CNTN4: variants seen among roughly 807,000 people sequenced by gnomAD.
CNTN4 encodes contactin 4.
In CNTN4, 77 loss-of-function variants were observed where a neutral mutation model predicts 122.5. That is an observed-to-expected ratio of 0.63 (90% CI 0.52 to 0.76). The LOEUF is 0.76. Among genes scored for constraint, CNTN4 ranks in the 30% least tolerant of loss-of-function variants. The probability of loss-of-function intolerance (pLI) is 0.00; values close to 1 mark genes in which losing one functional copy is unlikely to be tolerated. For synonymous variants in CNTN4, 512 were observed against 447.0 expected (o/e 1.15, Z -1.83); for missense variants, 1,256 against 1,259.1 (o/e 1.00, Z 0.04).
At chr3:2,669,461 A>C (rs951995811) in intron 4 of CNTN4, among the ~76,000 whole-genome samples, 2 of 151,774 alleles carry the variant, frequency 1.3e-5, no homozygotes, top group Non-Finnish European at 2.9e-5. Context: ...TTTTTATTGC[A>C]TCTATTTGAT....
chr3:2,267,159 C>T (rs942527083), intron 2 of CNTN4, among the ~76,000 whole-genome samples: 6 of 152,132 alleles, frequency 3.9e-5, no homozygotes, highest in African/African-American at 7.2e-5. Context: ...TGCCAACTTA[C>T]GATTGTGGTG....
intron 6 of CNTN4, among the ~76,000 whole-genome samples, chr3:2,747,555 A>C (rs1037385347): frequency 1.3e-5 from 2 of 152,198 alleles, no homozygotes; most frequent in Non-Finnish European, 2.9e-5. Flanking sequence ...AACATCAGAA[A>C]GATAGAATCT....
chr3:2,207,771 A>C (rs1167843079), intron 2 of CNTN4, among the ~76,000 whole-genome samples: 1 of 151,978 alleles, frequency 6.6e-6, no homozygotes, highest in African/African-American at 2.4e-5. Context: ...TAGATGAAGC[A>C]TCCTTCTATT....
intron 3 of CNTN4, among the ~76,000 whole-genome samples, chr3:2,399,329 G>C (rs1397829246): frequency 6.6e-6 from 1 of 151,980 alleles, no homozygotes; most frequent in Admixed American, 6.6e-5. Context: ...GCCCCTGTAA[G>C]TTTGAGCCAT....
At chr3:2,915,798 C>T (rs2094347375) in intron 12 of CNTN4, among the ~76,000 whole-genome samples, 1 of 152,162 alleles carries the variant, frequency 6.6e-6, no homozygotes, top group African/African-American at 2.4e-5. Flanking sequence ...TGGAAGCAAC[C>T]TAAATGTCCA....
chr3:2,622,016 C>T (rs2082009163), intron 4 of CNTN4, among the ~76,000 whole-genome samples: 1 of 152,194 alleles, frequency 6.6e-6, no homozygotes, highest in Non-Finnish European at 1.5e-5. Context: ...AGGAAATTCA[C>T]ATTAAGGGAT....
chr3:2,594,776 G>GT (rs869042938), intron 4 of CNTN4, among the ~76,000 whole-genome samples: 1 of 72,022 alleles, frequency 1.4e-5, no homozygotes, highest in Non-Finnish European at 3.0e-5. Flanking sequence ...GTGTATGTGT[G>GT]TTTGTTTGTG....
chr3:2,356,971 C>G (rs1430265413), intron 3 of CNTN4, among the ~76,000 whole-genome samples: 1 of 152,168 alleles, frequency 6.6e-6, no homozygotes, highest in African/African-American at 2.4e-5. Context: ...CCAGGATTGT[C>G]AACACAATAA....
intron 4 of CNTN4, among the ~76,000 whole-genome samples, chr3:2,578,200 A>C (rs2079782074): frequency 6.6e-6 from 1 of 152,246 alleles, no homozygotes; most frequent in Non-Finnish European, 1.5e-5. Context: ...ATTGGTCTTC[A>C]GAAGGCTTTT....
chr3:2,225,138 G>A (rs917642541), intron 2 of CNTN4, among the ~76,000 whole-genome samples: 21 of 147,902 alleles, frequency 1.4e-4, no homozygotes, highest in African/African-American at 4.0e-4. Context: ...GCGACAGGGC[G>A]AGACTCTGTA....
Position 2,696,336 on chromosome 3 carries a change from T to C in CNTN4, c.56-39879T>C, listed in dbSNP as rs114170226. On this transcript the variant is annotated intron_variant, in intron 4 of 24. Coordinates refer to ENST00000418658, the MANE Select transcript of CNTN4 (RefSeq NM_175607.3). The stretch of plus-strand genomic sequence containing the variant: ...TCAGGTTGAAACTTAATCTCCATCA[T>C]GGTGGTATGAAGAGATGAAGTCTTT... 4.2e-3 allele frequency among the ~76,000 whole-genome samples: 645 copies of C among 152,358 alleles called. 5 individuals are homozygous for C. Among genetic ancestry groups the C allele is most frequent in the African/African-American group, 0.015 (606 of 41,592 alleles).
intron 13 of CNTN4, among the ~76,000 whole-genome samples, chr3:2,984,626 G>A (rs1045541890): frequency 6.6e-6 from 1 of 152,222 alleles, no homozygotes; most frequent in African/African-American, 2.4e-5. Flanking sequence ...CTGATGACAA[G>A]TCCTTTGCTT....
intron 4 of CNTN4, among the ~76,000 whole-genome samples, chr3:2,724,732 G>C (rs2088097443): frequency 6.6e-6 from 1 of 152,190 alleles, no homozygotes; most frequent in South Asian, 2.1e-4. Flanking sequence ...TTTAATGTCA[G>C]TGGGAAACGG....
At chr3:2,970,235 C>A (rs1309780270) in intron 13 of CNTN4, among the ~76,000 whole-genome samples, 2 of 152,040 alleles carry the variant, frequency 1.3e-5, no homozygotes, top group Non-Finnish European at 2.9e-5. Flanking sequence ...ATTGGGACTA[C>A]AAGTGCATGC....
rs748061604 is a variant in CNTN4 at position 3,040,208 on chromosome 3, G to A, written c.2335G>A (p.Val779Ile). ...CTCTCCCTTTGAGGTTAAAGTAGGTGTCTTCAACAACAAAGGAGAAGGCCC... is the reference window on the plus strand; with the variant it reads ...CTCTCCCTTTGAGGTTAAAGTAGGTATCTTCAACAACAAAGGAGAAGGCCC... The part of the protein sequence containing the change: ...PFSPFEVKVG[V>I]FNNKGEGPFS... The change falls in exon 20 of 25, where the codon GTC (valine) becomes ATC (isoleucine). Residue 779 changes from valine (V) to isoleucine (I), a missense_variant. Physicochemically the swap from Val to Ile is conservative, Grantham distance 29. Transcript: ENST00000418658. The A allele has an allele frequency of 1.2e-6, 2 of 1,614,114 alleles. No individual in the cohort carries two copies. Among genetic ancestry groups the A allele is most frequent in the Non-Finnish European group, 1.7e-6 (2 of 1,180,048 alleles).
At chr3:3,035,579 C>T (rs1004858791) in intron 17 of CNTN4, among the ~76,000 whole-genome samples, 67 of 152,204 alleles carry the variant, frequency 4.4e-4, no homozygotes, top group Non-Finnish European at 1.6e-4. Context: ...TTTTTTGAGA[C>T]AGGGTCTCAC....
At chr3:2,182,268 CACACACACACAT>C (rs1390609364) in intron 2 of CNTN4, among the ~76,000 whole-genome samples, 1 of 151,720 alleles carries the variant, frequency 6.6e-6, no homozygotes, top group Non-Finnish European at 1.5e-5. Flanking sequence ...TGTCTTTTTA[CACACACACACAT>C]ACACACACCC....
intron 3 of CNTN4, among the ~76,000 whole-genome samples, chr3:2,342,973 G>A (rs1009082879): frequency 8.5e-5 from 13 of 152,206 alleles, no homozygotes; most frequent in South Asian, 2.1e-4. Flanking sequence ...TTTTGGAGGT[G>A]ATGAAAATGT....
At chr3:2,444,208 TAAA>T (rs36104812) in intron 3 of CNTN4, among the ~76,000 whole-genome samples, 36,932 of 136,298 alleles carry the variant, frequency 0.27, 5,402 homozygotes, top group Admixed American at 0.38. Context: ...TGTATTCTAG[TAAA>T]AAAAAAAAAA....
Sources: allele counts gnomAD v4.1 joint callset (sites outside exome capture counted in the v4.1 genomes callset), GRCh38; gene constraint gnomAD v4.1.1; transcripts MANE v1.5; gene names NCBI Gene and HGNC (gene_info 2026-07-23, HGNC 2026-07-21).